The following PAX3 variants were observed in gnomAD, a reference collection of about 807,000 sequenced individuals.
PAX3 encodes paired box 3.
A neutral mutation model predicts 51.6 loss-of-function variants in PAX3; 14 were observed. The observed-to-expected ratio is 0.27, with a 90% CI of 0.18 to 0.42. The LOEUF (loss-of-function observed/expected upper bound fraction) is 0.42, where lower values mean the gene tolerates loss of function less well. PAX3 is among the 10% of genes least tolerant of loss of function. The pLI is 1.00. For missense variants in PAX3, 540 were observed against 642.8 expected, an observed-to-expected ratio of 0.84 and a Z score of 1.73; for synonymous variants, 280 against 253.4, an observed-to-expected ratio of 1.11 and a Z score of -1.00.
At chr2:222,287,631 G>T (rs761157668) in intron 4 of PAX3, 3 of 152,196 alleles carry the variant, frequency 2.0e-5, no homozygotes, top group Non-Finnish European at 4.4e-5. Context: ...CTAGACCCAG[G>T]ACATGGGAAC....
chr2:222,294,279 C>T lies in PAX3; in HGVS notation c.474G>A (p.Leu158=). 1 of 1,614,196 alleles carries T rather than the reference C, an allele frequency of 6.2e-7. No individual in the cohort carries two copies. The highest frequency in any genetic ancestry group is 1.6e-4 in the Middle Eastern group (1 of 6,062). The part of the protein sequence containing the change: ...VPSVSSISRI[L]RSKFGKGEEE... ...CTTCACCTTTCCCGAATTTACTTCT[C>T]AGGATGCGGCTGATGGAACTCACTG... The change falls in exon 4 of 9, where the codon CTG becomes CTA. Residue 158 remains leucine (L), a synonymous_variant. Transcript: ENST00000392070.
At chr2:222,209,495 A>T (rs1691637261) in intron 7 of PAX3, among the ~76,000 whole-genome samples, 1 of 151,798 alleles carries the variant, frequency 6.6e-6, no homozygotes, top group African/African-American at 2.4e-5. Flanking sequence ...GAATGAACAT[A>T]CTCTTTAGAA....
intron 4 of PAX3, among the ~76,000 whole-genome samples, chr2:222,273,468 G>A (rs1694319498): frequency 6.6e-6 from 1 of 152,176 alleles, no homozygotes; most frequent in African/African-American, 2.4e-5. Context: ...GACAGGATGG[G>A]CAGTATTTTA....
chr2:222,279,200 C>T (rs1013723162), intron 4 of PAX3, among the ~76,000 whole-genome samples: 7 of 152,150 alleles, frequency 4.6e-5, no homozygotes, highest in South Asian at 2.1e-4. Flanking sequence ...GTGATCCGAC[C>T]GCCTGGGCCT....
intron 4 of PAX3, among the ~76,000 whole-genome samples, chr2:222,239,568 G>A (rs2217466): frequency 6.6e-6 from 1 of 151,994 alleles, no homozygotes; most frequent in African/African-American, 2.4e-5. Flanking sequence ...TTAACGTGTA[G>A]CTAGAACTGT....
chr2:222,213,306 A>G (rs1691820329), intron 7 of PAX3, among the ~76,000 whole-genome samples: 1 of 152,174 alleles, frequency 6.6e-6, no homozygotes, highest in African/African-American at 2.4e-5. Context: ...ACAGCCTTAG[A>G]GAAAAACCAA....
intron 3 of PAX3, among the ~76,000 whole-genome samples, chr2:222,295,170 C>A (rs1695228761): frequency 6.6e-6 from 1 of 152,152 alleles, no homozygotes; most frequent in East Asian, 1.9e-4. Context: ...CCTCCCGGCG[C>A]GGGCCCCATC....
intron 4 of PAX3, among the ~76,000 whole-genome samples, chr2:222,251,290 T>C (rs1263387877): frequency 6.6e-6 from 1 of 152,064 alleles, no homozygotes; most frequent in African/African-American, 2.4e-5. Context: ...GTGTGTGATG[T>C]TCCCCTTCCT....
At chr2:222,296,668 A>C (rs1485552449) in intron 2 of PAX3, among the ~76,000 whole-genome samples, 2 of 152,236 alleles carry the variant, frequency 1.3e-5, no homozygotes, top group African/African-American at 4.8e-5. Context: ...AGGTGGGCAC[A>C]TAGAGCTTGC....
chr2:222,244,116 T>C (rs1009486904), intron 4 of PAX3, among the ~76,000 whole-genome samples: 2 of 152,198 alleles, frequency 1.3e-5, no homozygotes, highest in Non-Finnish European at 2.9e-5. Flanking sequence ...AGGGGAGGAA[T>C]TGGCAAACCA....
At chr2:222,236,598 A>G (rs1574668430) in intron 4 of PAX3, among the ~76,000 whole-genome samples, 3 of 152,192 alleles carry the variant, frequency 2.0e-5, no homozygotes, top group African/African-American at 7.2e-5. Context: ...GCTTAATAGA[A>G]AGAAATTATA....
At chr2:222,291,143 G>A (rs1157007778) in intron 4 of PAX3, among the ~76,000 whole-genome samples, 2 of 152,158 alleles carry the variant, frequency 1.3e-5, no homozygotes, top group African/African-American at 2.4e-5. Flanking sequence ...CCGCTAGGCC[G>A]AGCCGGGGGA....
intron 4 of PAX3, among the ~76,000 whole-genome samples, chr2:222,283,691 C>A (rs1694726439): frequency 6.6e-6 from 1 of 152,234 alleles, no homozygotes; most frequent in South Asian, 2.1e-4. Flanking sequence ...GGCCCCATGG[C>A]TCACCAGCGA....
intron 4 of PAX3, among the ~76,000 whole-genome samples, chr2:222,265,397 T>C (rs1355491940): frequency 6.6e-6 from 1 of 152,184 alleles, no homozygotes; most frequent in Non-Finnish European, 1.5e-5. Flanking sequence ...GCCAGGCCTG[T>C]AATCCCAGCA....
In PAX3 at chr2:222,201,615, C is replaced by T. The variant is rs1280451678; in HGVS notation, c.1421-173G>A. ...ACAACTTTGTGTCCCTGGGATTATC[C>T]CCCATATGATCCTGGAGCTGACCTC... On this transcript the variant is annotated intron_variant, in intron 8 of 8. Coordinates refer to ENST00000392070, the MANE Select transcript of PAX3 (RefSeq NM_181458.4). 4.7e-6 allele frequency: 6 copies of T among 1,286,520 alleles called. No individual in the cohort carries two copies. The East Asian group carries it at 1.0e-4, about 21-fold the overall frequency. 79.7% of individuals were successfully genotyped at this position (1,286,520 alleles called of 1,614,324 possible).
chr2:222,245,108 A>G (rs1394842453), intron 4 of PAX3, among the ~76,000 whole-genome samples: 1 of 152,204 alleles, frequency 6.6e-6, no homozygotes, highest in Non-Finnish European at 1.5e-5. Flanking sequence ...AGATCATGCC[A>G]CTGCACTCCA....
chr2:222,245,455 G>A (rs1011478507), intron 4 of PAX3, among the ~76,000 whole-genome samples: 2 of 152,164 alleles, frequency 1.3e-5, no homozygotes, highest in African/African-American at 4.8e-5. Context: ...CACAACCAAT[G>A]TGAATAGGTC....
chr2:222,201,607 G>A (rs1691295309), intron 8 of PAX3, 165 bp from the exon 9 acceptor site: 4 of 1,292,238 alleles, frequency 3.1e-6, no homozygotes, highest in African/African-American at 1.5e-5. Flanking sequence ...TGTGTCCCTG[G>A]GATTATCCCC....
At chr2:222,297,610 T>C (rs1015710915) in intron 1 of PAX3, among the ~76,000 whole-genome samples, 5 of 152,220 alleles carry the variant, frequency 3.3e-5, no homozygotes, top group East Asian at 1.9e-4. Flanking sequence ...CACCGATCCC[T>C]GTCCAATTGG....
Sources: allele counts gnomAD v4.1 joint callset (sites outside exome capture counted in the v4.1 genomes callset), GRCh38; gene constraint gnomAD v4.1.1; transcripts MANE v1.5; gene names NCBI Gene and HGNC (gene_info 2026-07-23, HGNC 2026-07-21).